Variants in DCLK1 observed in about 807,000 individuals in gnomAD.
DCLK1 encodes doublecortin like kinase 1.
In DCLK1, 16 loss-of-function variants were observed where a neutral mutation model predicts 86.2. The ratio of observed to expected loss-of-function variants is 0.19; its 90% CI spans 0.13 to 0.28. DCLK1 has a LOEUF of 0.28. DCLK1 is among the 10% of genes least tolerant of loss of function. The pLI is 1.00. For missense variants in DCLK1, 590 were observed against 940.2 expected (o/e 0.63, Z 4.87); for synonymous variants, 369 against 370.5 (o/e 1.00, Z 0.05).
intron 16 of DCLK1, among the ~76,000 whole-genome samples, chr13:35,793,003 C>T (rs1056273691): frequency 6.6e-6 from 1 of 152,144 alleles, no homozygotes; most frequent in Non-Finnish European, 1.5e-5. Context: ...TCTCAGCTTG[C>T]CTTTCCTTTC....
chr13:35,946,051 C>T (rs1027423156), intron 4 of DCLK1, among the ~76,000 whole-genome samples: 1 of 152,164 alleles, frequency 6.6e-6, no homozygotes, highest in Admixed American at 6.5e-5. Context: ...CTTGCTCTAT[C>T]GCCCAGACCA....
intron 14 of DCLK1, among the ~76,000 whole-genome samples, chr13:35,806,440 G>A (rs1306566576): frequency 6.6e-6 from 1 of 152,198 alleles, no homozygotes; most frequent in South Asian, 2.1e-4. Context: ...ACTTCCTCAT[G>A]AGCTCAAATG....
chr13:36,092,528 C>T (rs1238565871), intron 3 of DCLK1, among the ~76,000 whole-genome samples: 27 of 141,240 alleles, frequency 1.9e-4, no homozygotes, highest in African/African-American at 6.6e-4. Flanking sequence ...ACTCTGTCGC[C>T]CAGGCTGGAG....
chr13:35,891,439 A>G (rs956653350), intron 4 of DCLK1, among the ~76,000 whole-genome samples: 1 of 152,324 alleles, frequency 6.6e-6, no homozygotes, highest in African/African-American at 2.4e-5. Context: ...TAGGTTTATA[A>G]ATATAGGATG....
At chr13:36,030,587 G>A (rs1303785496) in intron 3 of DCLK1, among the ~76,000 whole-genome samples, 9 of 151,528 alleles carry the variant, frequency 5.9e-5, no homozygotes, top group Admixed American at 2.0e-4. Flanking sequence ...GATTACAGGC[G>A]TGAGCCACCA....
At chr13:35,781,836 A>G (rs2086531393) in intron 16 of DCLK1, among the ~76,000 whole-genome samples, 1 of 152,058 alleles carries the variant, frequency 6.6e-6, no homozygotes, top group African/African-American at 2.4e-5. Flanking sequence ...CTACATTACG[A>G]TTTGCTTGTC....
chr13:35,785,244 C>T (rs1379527191), intron 16 of DCLK1, among the ~76,000 whole-genome samples: 2 of 152,202 alleles, frequency 1.3e-5, no homozygotes, highest in East Asian at 1.9e-4. Context: ...GGGCATAGCA[C>T]TTGCCATGGT....
chr13:35,866,657 C>A (rs377348258), intron 5 of DCLK1, among the ~76,000 whole-genome samples: 46 of 150,762 alleles, frequency 3.1e-4, no homozygotes, highest in Admixed American at 6.6e-4. Flanking sequence ...CACCAGCCTG[C>A]CTTGGCCTCC....
chr13:35,889,604 A>T (rs562559871), intron 4 of DCLK1, among the ~76,000 whole-genome samples: 1 of 152,294 alleles, frequency 6.6e-6, no homozygotes, highest in East Asian at 1.9e-4. Flanking sequence ...TGTAGAAGAC[A>T]TTCTGTAATT....
intron 3 of DCLK1, among the ~76,000 whole-genome samples, chr13:36,070,364 A>G (rs1226460672): frequency 6.6e-6 from 1 of 152,236 alleles, no homozygotes; most frequent in Non-Finnish European, 1.5e-5. Flanking sequence ...AACGTAAACT[A>G]GTAGTAACAG....
intron 4 of DCLK1, among the ~76,000 whole-genome samples, chr13:35,878,352 T>C (rs1232558610): frequency 6.6e-6 from 1 of 152,148 alleles, no homozygotes; most frequent in Non-Finnish European, 1.5e-5. Context: ...TTTCTTCTAC[T>C]CCACCCGTTT....
At chr13:36,006,932 T>C (rs756612289) in intron 3 of DCLK1, among the ~76,000 whole-genome samples, 48 of 152,356 alleles carry the variant, frequency 3.2e-4, no homozygotes, top group Middle Eastern at 3.4e-3. Flanking sequence ...TTTGGAAATA[T>C]GAAAATGTCT....
chr13:36,018,394 A>C (rs1279444531), intron 3 of DCLK1, among the ~76,000 whole-genome samples: 1 of 152,236 alleles, frequency 6.6e-6, no homozygotes, highest in Non-Finnish European at 1.5e-5. Flanking sequence ...TGCAGTTTAT[A>C]ACTTGAAGTT....
chr13:36,095,282 T>C (rs1884971962), intron 3 of DCLK1, among the ~76,000 whole-genome samples: 1 of 152,006 alleles, frequency 6.6e-6, no homozygotes, highest in South Asian at 2.1e-4. Context: ...CTTGGCTCAC[T>C]GCAACTTCCG....
intron 4 of DCLK1, among the ~76,000 whole-genome samples, chr13:35,892,679 A>G (rs1873717720): frequency 6.6e-6 from 1 of 152,222 alleles, no homozygotes; most frequent in African/African-American, 2.4e-5. Context: ...CAGTCAGCAA[A>G]GGATTTTAGT....
intron 3 of DCLK1, among the ~76,000 whole-genome samples, chr13:36,036,979 C>A (rs1055030094): frequency 6.6e-6 from 1 of 152,056 alleles, no homozygotes; most frequent in Non-Finnish European, 1.5e-5. Context: ...TGGAATCAAT[C>A]TAAGTTTCTA....
intron 3 of DCLK1, among the ~76,000 whole-genome samples, chr13:35,977,073 A>C (rs1158013316): frequency 2.0e-5 from 3 of 152,322 alleles, no homozygotes; most frequent in Non-Finnish European, 4.4e-5. Flanking sequence ...CATCCACTCC[A>C]GATGTTAAGA....
chr13:36,017,446 A>G (rs949514978), intron 3 of DCLK1, among the ~76,000 whole-genome samples: 3 of 152,228 alleles, frequency 2.0e-5, no homozygotes, highest in African/African-American at 4.8e-5. Context: ...TTGATACCCA[A>G]CATTCTGGGA....
At chr13:36,128,371 C>A (rs910537930) in intron 1 of DCLK1, among the ~76,000 whole-genome samples, 3 of 152,064 alleles carry the variant, frequency 2.0e-5, no homozygotes, top group Admixed American at 2.0e-4. Flanking sequence ...GAGATTTGAA[C>A]CCAGATTTAC....
Sources: allele counts gnomAD v4.1 joint callset (sites outside exome capture counted in the v4.1 genomes callset), GRCh38; gene constraint gnomAD v4.1.1; transcripts MANE v1.5; gene names NCBI Gene and HGNC (gene_info 2026-07-23, HGNC 2026-07-21).